PNN: variants seen among roughly 807,000 people sequenced by gnomAD.
PNN encodes pinin.
Under a neutral mutation model 76.6 loss-of-function variants are expected in PNN, and 38 were observed. The ratio of observed to expected loss-of-function variants is 0.50; its 90% CI spans 0.38 to 0.65. The LOEUF (loss-of-function observed/expected upper bound fraction) is 0.65, where lower values mean the gene tolerates loss of function less well. Among genes scored for constraint, PNN ranks in the 30% least tolerant of loss-of-function variants. PNN has a pLI of 0.00. For missense variants in PNN, 873 were observed against 874.1 expected (o/e 1.00, Z 0.02); for synonymous variants, 366 against 283.7 (o/e 1.29, Z -2.91).
chr14:39,177,829 T>G lies in PNN; in HGVS notation c.423-12T>G. 5 of 1,601,148 alleles carry G rather than the reference T, an allele frequency of 3.1e-6. No homozygotes were observed. Among genetic ancestry groups the G allele is most frequent in the Non-Finnish European group, 4.3e-6 (5 of 1,168,676 alleles). ...TCCTGTTGACAGTAAATTTTCTTAT[T>G]CTGTTCTTTAGGAACCGGCGAATAT... is the stretch of plus-strand genomic sequence containing the variant. On this transcript the variant is annotated splice_polypyrimidine_tract_variant and intron_variant, in intron 5 of 8. Transcript: ENST00000216832.
chr14:39,178,747 T>A (rs566220044), intron 6 of PNN, among the ~76,000 whole-genome samples: 105 of 125,338 alleles, frequency 8.4e-4, no homozygotes, highest in South Asian at 6.1e-3. Flanking sequence ...AAAAAAAAAA[T>A]TTTTTTTGAG....
chr14:39,181,602 T>C lies in PNN; in HGVS notation c.1893T>C (p.Ser631=). ...SSSSTSSSSE[S]RSRSRGRGHN... The stretch of plus-strand genomic sequence containing the variant: ...GTAGCACTAGTAGTAGTAGTGAGAG[T>C]AGAAGTCGGAGTAGGGGCCGGGGAC... The change falls in exon 9 of 9, where the codon AGT becomes AGC. Residue 631 remains serine (S), a synonymous_variant. Coordinates refer to ENST00000216832, the MANE Select transcript of PNN (RefSeq NM_002687.4). 6.2e-7 allele frequency: 1 copy of C among 1,613,682 alleles called. No individual in the cohort carries two copies. Among genetic ancestry groups the C allele is most frequent in the Non-Finnish European group, 8.5e-7 (1 of 1,179,930 alleles).
intron 5 of PNN, 67 bp downstream of exon 5, chr14:39,177,754 C>G: frequency 1.4e-6 from 2 of 1,450,416 alleles, no homozygotes; most frequent in South Asian, 1.1e-5. Context: ...AGGGATTGTT[C>G]AAGCATCCTG....
Position 39,180,988 on chromosome 14 carries a change from C to T in PNN, c.1279C>T (p.Pro427Ser). The T allele has an allele frequency of 1.9e-6, 3 of 1,613,216 alleles. No homozygotes were observed. Among genetic ancestry groups the T allele is most frequent in the Non-Finnish European group, 2.5e-6 (3 of 1,179,588 alleles). The change falls in exon 9 of 9, where the codon CCA becomes TCA. Residue 427 changes from proline (P) to serine (S), a missense_variant. This residue lies in a region of PNN where 712 missense variants were observed against 693.1 expected (regional missense o/e 1.03). Transcript: ENST00000216832. ...SENEASKELE[P>S]EMEFEIEPDK... is the part of the protein sequence containing the mutation. ...AAATGAAGCTAGCAAAGAATTGGAACCAGAAATGGAATTTGAAATTGAGCC... is the reference window on the plus strand; with the variant it reads ...AAATGAAGCTAGCAAAGAATTGGAATCAGAAATGGAATTTGAAATTGAGCC...
rs1429745333 is a variant in PNN, at chr14:39,182,338, GA to G, written c.*477del. The G allele has an allele frequency of 6.5e-6, 1 of 153,202 alleles. No individual in the cohort carries two copies. Among genetic ancestry groups the G allele is most frequent in the Non-Finnish European group, 1.5e-5 (1 of 68,490 alleles). 9.5% of individuals were successfully genotyped at this position (153,202 alleles called of 1,614,324 possible). On this transcript the variant is annotated 3_prime_UTR_variant, in exon 9 of 9. Transcript: ENST00000216832. ...TAACACTAGATACTGCACGTGATTA[GA>G]ATGTTTTTGAAGGTTTCCTCGTTTT...
At position 39,180,523 on chromosome 14, in the gene PNN, A is replaced by C. The variant is rs546495173; in HGVS notation, c.814A>C (p.Ile272Leu). The C allele has an allele frequency of 6.3e-7, 1 of 1,590,312 alleles. No individual in the cohort carries two copies. Among genetic ancestry groups the C allele is most frequent in the Admixed American group, 1.9e-5 (1 of 53,786 alleles). The change falls in exon 9 of 9, where the codon ATC becomes CTC. Residue 272 changes from isoleucine (I) to leucine (L), a missense_variant. Physicochemically the swap from Ile to Leu is conservative, Grantham distance 5. Coordinates refer to ENST00000216832, the MANE Select transcript of PNN (RefSeq NM_002687.4). ...TTTAGCTTTATTTGAAGGTAGACGC[A>C]TCGAATTTGCAGAACAAATAAATAA... is the stretch of plus-strand genomic sequence containing the variant. Reference protein sequence around the residue: ...KMNALFEGRRIEFAEQINKME... With the variant: ...KMNALFEGRRLEFAEQINKME...
chr14:39,178,003 T>G lies in PNN; in HGVS notation c.498+87T>G, dbSNP rs545245821. 500 of 872,384 alleles carry G rather than the reference T, an allele frequency of 5.7e-4. No individual in the cohort carries two copies. The Middle Eastern group carries it at 7.9e-3, about 14-fold the overall frequency. The allele number at this position is 872,384 out of a possible 1,614,324, so 54.0% of individuals were successfully genotyped here. On this transcript the variant is annotated intron_variant, in intron 6 of 8. Transcript: ENST00000216832. ...TTTTTTTAAAAAATCCTTAAAGCTCTTTTAAGACCTAACTGTAAACCTGAA... is the reference window on the plus strand; with the variant it reads ...TTTTTTTAAAAAATCCTTAAAGCTCGTTTAAGACCTAACTGTAAACCTGAA...
Position 39,181,749 on chromosome 14 carries a change from TAAG to T in PNN, c.2043_2045del (p.Lys681del). 6.2e-7 allele frequency: 1 copy of T among 1,614,006 alleles called. No homozygotes were observed. Among genetic ancestry groups the T allele is most frequent in the African/African-American group, 1.3e-5 (1 of 75,006 alleles). On this transcript the variant is annotated inframe_deletion, in exon 9 of 9. Coordinates refer to ENST00000216832, the MANE Select transcript of PNN (RefSeq NM_002687.4). ...GTAGAGATACAAAAGGATCAAAGGA[TAAG>T]AATTCCCGGTCCGACAGAAAGAGGT...
intron 3 of PNN, 56 bp from the exon 4 acceptor site, chr14:39,177,356 A>G: frequency 6.9e-7 from 1 of 1,449,288 alleles, no homozygotes; most frequent in Non-Finnish European, 9.6e-7. Flanking sequence ...ACTGCACTTC[A>G]GCCTGGGTGG....
At chr14:39,176,775 C>T (rs1449843304) in intron 3 of PNN, among the ~76,000 whole-genome samples, 180 bp downstream of exon 3, 1 of 152,074 alleles carries the variant, frequency 6.6e-6, no homozygotes, top group African/African-American at 2.4e-5. Context: ...TCCCTCAAAA[C>T]GCAGTTCTGC....
In PNN at chr14:39,179,367, T is replaced by C; in HGVS notation, c.698T>C (p.Ile233Thr). Reference protein sequence around the residue: ...NEHNAKIIKYIRTKTKPHLFY... With the variant: ...NEHNAKIIKYTRTKTKPHLFY... ...CATAATGCCAAAATAATTAAATATA[T>C]AAGAACTAAGACAAAGCCCCATTTG... The change falls in exon 8 of 9, where the codon ATA (isoleucine) becomes ACA (threonine). Residue 233 changes from isoleucine (I) to threonine (T), a missense_variant. Ile to Thr is a moderately conservative substitution (Grantham distance 89). Transcript: ENST00000216832. 1 of 1,611,294 alleles carries C rather than the reference T, an allele frequency of 6.2e-7. No homozygotes were observed. The highest frequency in any genetic ancestry group is 8.5e-7 in the Non-Finnish European group (1 of 1,178,038).
Position 39,181,874 on chromosome 14 carries a change from C to A in PNN, c.*11C>A. ...GACAAAAGGCGTTAATGGAAGAAGC[C>A]AGGCTTTCTTAGCCATTCTTTGCAG... is the stretch of plus-strand genomic sequence containing the variant. On this transcript the variant is annotated 3_prime_UTR_variant, in exon 9 of 9. Coordinates refer to ENST00000216832, the MANE Select transcript of PNN (RefSeq NM_002687.4). 1 of 1,554,192 alleles carries A rather than the reference C, an allele frequency of 6.4e-7. No homozygotes were observed. Among genetic ancestry groups the A allele is most frequent in the South Asian group, 1.2e-5 (1 of 80,350 alleles).
In PNN at chr14:39,179,214, CTTTTGGAA is replaced by C. The variant is rs754305115; in HGVS notation, c.623_630del (p.Leu208ProfsTer4). On this transcript the variant is annotated frameshift_variant, in exon 7 of 9. Coordinates refer to ENST00000216832, the MANE Select transcript of PNN (RefSeq NM_002687.4). LOFTEE classifies it high-confidence loss of function. ...GCGTGCTAAACAGACAGAACTGCGGCTTTTGGAACAGAAAGTTGAGCTTGCGCAGCTGG... is the reference window on the plus strand; with the variant it reads ...GCGTGCTAAACAGACAGAACTGCGGCCAGAAAGTTGAGCTTGCGCAGCTGG... The C allele has an allele frequency of 6.2e-7, 1 of 1,612,596 alleles. No individual in the cohort carries two copies. The highest frequency in any genetic ancestry group is 8.5e-7 in the Non-Finnish European group (1 of 1,179,706).
rs1237837534 is a variant in PNN at position 39,177,580 on chromosome 14, T to C, written c.328-13T>C. On this transcript the variant is annotated splice_polypyrimidine_tract_variant and intron_variant, in intron 4 of 8. Transcript: ENST00000216832. Reference sequence around the variant, plus strand: ...TATGCTAGTTAAATTACTGAGATTTTCTTTTTCTGCAGCCAGCATTGCAGT... The same window carrying C: ...TATGCTAGTTAAATTACTGAGATTTCCTTTTTCTGCAGCCAGCATTGCAGT... 2 of 1,612,118 alleles carry C rather than the reference T, an allele frequency of 1.2e-6. No homozygotes were observed. Among genetic ancestry groups the C allele is most frequent in the South Asian group, 2.2e-5 (2 of 91,040 alleles).
chr14:39,175,943 A>T (rs983201084), intron 1 of PNN, 135 bp from the exon 2 acceptor site: 2 of 624,686 alleles, frequency 3.2e-6, no homozygotes, highest in South Asian at 3.9e-5. Flanking sequence ...TGTTTCAGAC[A>T]TTTAGATTTA....
intron 3 of PNN, 97 bp from the exon 4 acceptor site, chr14:39,177,315 G>A (rs1034623790): frequency 4.5e-6 from 4 of 896,508 alleles, no homozygotes; most frequent in Non-Finnish European, 7.0e-6. Context: ...GAGCCTGGGA[G>A]GTCGAGGCTG....
rs777794032 is a variant in PNN, at chr14:39,177,325, G to T, written c.255-87G>T. ...CACTTGAGCCTGGGAGGTCGAGGCT[G>T]CAGTGAACCGTGGTGGCACCACTGC... is the stretch of plus-strand genomic sequence containing the variant. On this transcript the variant is annotated intron_variant, in intron 3 of 8. Transcript: ENST00000216832. The T allele has an allele frequency of 7.7e-6, 8 of 1,033,308 alleles. No individual in the cohort carries two copies. The East Asian group carries it at 7.8e-5, about 10-fold the overall frequency. The allele number at this position is 1,033,308 out of a possible 1,614,324, so 64.0% of individuals were successfully genotyped here. A position where few individuals can be genotyped will look rare whatever the true frequency, so the allele number is the denominator to read the frequency against.
chr14:39,180,870 G>A lies in PNN; in HGVS notation c.1161G>A (p.Met387Ile). The A allele has an allele frequency of 6.2e-7, 1 of 1,614,148 alleles. No homozygotes were observed. Among genetic ancestry groups the A allele is most frequent in the Non-Finnish European group, 8.5e-7 (1 of 1,180,024 alleles). The change falls in exon 9 of 9, where the codon ATG (methionine) becomes ATA (isoleucine). Residue 387 changes from methionine to isoleucine, a missense_variant. Physicochemically the swap from Met to Ile is conservative, Grantham distance 10. Transcript: ENST00000216832. ...AGGATAGTCAGCCTGAAGAAGTTAT[G>A]GATGTGCTAGAGATGGTTGAGAATG... ...KQQDSQPEEV[M>I]DVLEMVENVK... is the part of the protein sequence containing the mutation.
intron 3 of PNN, 94 bp downstream of exon 3, chr14:39,176,689 A>G: frequency 2.5e-6 from 2 of 812,774 alleles, no homozygotes; most frequent in Non-Finnish European, 3.9e-6. Flanking sequence ...TTTCAGCAAT[A>G]TTAAAATTGA....
Sources: gnomAD v4.1 joint callset for allele counts (sites outside exome capture counted in the v4.1 genomes callset) on GRCh38, gnomAD v4.1.1 for gene constraint, gnomAD v4.1.1 regional missense constraint, MANE v1.5 for transcripts, NCBI Gene and HGNC (gene_info 2026-07-23, HGNC 2026-07-21) for gene names.